The following ECM2 variants were observed in gnomAD, a reference collection of about 807,000 sequenced individuals.
ECM2 encodes extracellular matrix protein 2.
In ECM2, 57 loss-of-function variants were observed where a neutral mutation model predicts 67.5. The ratio of observed to expected loss-of-function variants is 0.84; its 90% CI spans 0.68 to 1.05. The LOEUF is 1.05. Ranked by LOEUF, ECM2 falls within the 50% of genes least tolerant of loss-of-function variation. ECM2 has a pLI of 0.00. For missense variants in ECM2, 741 were observed against 822.8 expected, an observed-to-expected ratio of 0.90 and a Z score of 1.22; for synonymous variants, 258 against 294.5, an observed-to-expected ratio of 0.88 and a Z score of 1.27.
the ECM2 span, among the ~76,000 whole-genome samples, chr9:92,545,781 A>G: frequency 6.6e-6 from 1 of 152,248 alleles, no homozygotes; most frequent in Non-Finnish European, 1.5e-5. Context: ...TAGATATACC[A>G]GTCAGCACTC....
chr9:92,538,676 A>G (rs575830834), upstream of ECM2, among the ~76,000 whole-genome samples: 112 of 152,318 alleles, frequency 7.4e-4, no homozygotes, highest in Middle Eastern at 3.4e-3. Context: ...TTTTAACCAC[A>G]CTAGCACATG....
At chr9:92,500,204 A>T (rs1259467020) in intron 9 of ECM2, among the ~76,000 whole-genome samples, 1 of 151,886 alleles carries the variant, frequency 6.6e-6, no homozygotes, top group African/African-American at 2.4e-5. Context: ...TTTTTTTGAG[A>T]TGGAGTCTCA....
At chr9:92,511,168 C>G (rs1847313089) in intron 5 of ECM2, among the ~76,000 whole-genome samples, 1 of 152,174 alleles carries the variant, frequency 6.6e-6, no homozygotes, top group Non-Finnish European at 1.5e-5. Context: ...CTCTGTCGCC[C>G]AGGCTGGAGT....
chr9:92,514,534 C>CA, intron 4 of ECM2, 97 bp downstream of exon 4: 1 of 1,454,116 alleles, frequency 6.9e-7, no homozygotes, highest in Non-Finnish European at 9.1e-7. Flanking sequence ...CTCAGCCTTT[C>CA]AAAGTGCTGA....
chr9:92,550,119 C>T, the ECM2 span, among the ~76,000 whole-genome samples: 21 of 152,170 alleles, frequency 1.4e-4, no homozygotes, highest in African/African-American at 4.8e-4. Flanking sequence ...GTCATTGGGC[C>T]GGGCGTGGTG....
At chr9:92,545,728 C>G in the ECM2 span, among the ~76,000 whole-genome samples, 1 of 152,188 alleles carries the variant, frequency 6.6e-6, no homozygotes, top group Non-Finnish European at 1.5e-5. Context: ...GCTCTTGAGT[C>G]TAGTGGGGAT....
At chr9:92,516,279 G>A (rs1414571198) in intron 3 of ECM2, among the ~76,000 whole-genome samples, 5 of 152,032 alleles carry the variant, frequency 3.3e-5, no homozygotes, top group Non-Finnish European at 7.4e-5. Context: ...TGACCAGGCT[G>A]GTCTCGAACA....
At chr9:92,550,671 A>C in the ECM2 span, among the ~76,000 whole-genome samples, 1 of 152,174 alleles carries the variant, frequency 6.6e-6, no homozygotes, top group Non-Finnish European at 1.5e-5. Flanking sequence ...GCAAGAGTAC[A>C]AATGAAGTTT....
intron 8 of ECM2, among the ~76,000 whole-genome samples, 166 bp downstream of exon 8, chr9:92,502,347 C>A (rs1311961973): frequency 3.3e-5 from 5 of 152,140 alleles, no homozygotes; most frequent in Non-Finnish European, 5.9e-5. Context: ...CATGAAGTAG[C>A]CCACTTTGGG....
intron 1 of ECM2, among the ~76,000 whole-genome samples, chr9:92,531,799 A>G (rs1457732667): frequency 6.6e-6 from 1 of 151,986 alleles, no homozygotes; most frequent in African/African-American, 2.4e-5. Context: ...TCACCTTCTA[A>G]TAATTCCTTT....
chr9:92,501,107 G>A (rs887344082), intron 8 of ECM2, 54 bp from the exon 9 acceptor site: 1 of 1,553,986 alleles, frequency 6.4e-7, no homozygotes, highest in Non-Finnish European at 8.8e-7. Context: ...GTGATCATCA[G>A]CTCTAAATTT....
intron 9 of ECM2, among the ~76,000 whole-genome samples, chr9:92,498,737 T>A (rs1846502200): frequency 6.6e-6 from 1 of 152,182 alleles, no homozygotes; most frequent in Non-Finnish European, 1.5e-5. Context: ...AACTTCAAGC[T>A]TTTATTATGA....
chr9:92,519,099 A>C (rs770538720), intron 2 of ECM2, among the ~76,000 whole-genome samples: 29 of 152,010 alleles, frequency 1.9e-4, no homozygotes, highest in Non-Finnish European at 3.1e-4. Context: ...CCACCCCCAA[A>C]TGAGCCTCTC....
chr9:92,502,445 A>G, intron 8 of ECM2, 68 bp downstream of exon 8: 3 of 1,562,398 alleles, frequency 1.9e-6, no homozygotes, highest in Non-Finnish European at 1.8e-6. Context: ...CCCAGTTTCC[A>G]TACTCTGTTT....
At chr9:92,494,016 C>T (rs1019216911), downstream of ECM2, 1 of 1,526,624 alleles carries the variant, frequency 6.6e-7, no homozygotes, top group African/African-American at 1.4e-5. Flanking sequence ...GTCGCATTGT[C>T]ACCCATTTTT....
the ECM2 span, among the ~76,000 whole-genome samples, chr9:92,546,343 C>G: frequency 8.5e-4 from 130 of 152,220 alleles, no homozygotes; most frequent in Non-Finnish European, 1.4e-3. Flanking sequence ...TCCCCTTCCA[C>G]TGTGTGGAAG....
At chr9:92,538,414 C>T (rs932983262), upstream of ECM2, among the ~76,000 whole-genome samples, 16 of 152,084 alleles carry the variant, frequency 1.1e-4, no homozygotes, top group East Asian at 3.8e-4. Context: ...GTAATTACAG[C>T]GAGACTTTTA....
At chr9:92,532,154 C>A (rs1848838507) in intron 1 of ECM2, among the ~76,000 whole-genome samples, 1 of 151,232 alleles carries the variant, frequency 6.6e-6, no homozygotes, top group Middle Eastern at 3.4e-3. Context: ...AACTACCACA[C>A]CCGGCTCGAA....
At chr9:92,539,491 C>T (rs1456448545), upstream of ECM2, among the ~76,000 whole-genome samples, 1 of 151,892 alleles carries the variant, frequency 6.6e-6, no homozygotes, top group Admixed American at 6.6e-5. Context: ...GATTGATTTG[C>T]GTTCAGTTGA....
Sources: allele counts gnomAD v4.1 joint callset (sites outside exome capture counted in the v4.1 genomes callset), GRCh38; gene constraint gnomAD v4.1.1; transcripts MANE v1.5; gene names NCBI Gene and HGNC (gene_info 2026-07-23, HGNC 2026-07-21).